Variants in CSF2RA observed in about 807,000 individuals in gnomAD.
CSF2RA encodes the protein granulocyte-macrophage colony-stimulating factor receptor subunit alpha.
In CSF2RA, 42 loss-of-function variants were observed where a neutral mutation model predicts 51.6. The observed-to-expected ratio is 0.81, with a 90% confidence interval of 0.64 to 1.05. The LOEUF (loss-of-function observed/expected upper bound fraction) is 1.05, where lower values mean the gene tolerates loss of function less well. Among genes scored for constraint, CSF2RA ranks in the 50% least tolerant of loss-of-function variants. CSF2RA has a pLI of 0.00. For synonymous variants in CSF2RA, 222 were observed against 193.0 expected (o/e 1.15, Z -1.24); for missense variants, 530 against 501.1 (o/e 1.06, Z -0.55).
At chrX:1,319,736 A>G in the CSF2RA span, among the ~76,000 whole-genome samples, 1 of 131,532 alleles carries the variant, frequency 7.6e-6, no homozygotes, top group Non-Finnish European at 1.6e-5. Flanking sequence ...TTTTTTTTAG[A>G]CAGAGTCTCA....
At chrX:1,307,831 T>C (rs866439499) in intron 12 of CSF2RA, among the ~76,000 whole-genome samples, 5 of 4,326 alleles carry the variant, frequency 1.2e-3, no homozygotes, top group African/African-American at 1.7e-3. Flanking sequence ...CCTACCCTTC[T>C]CCCTTTAGAC....
chrX:1,276,483 C>T (rs2089212603), intron 2 of CSF2RA, among the ~76,000 whole-genome samples: 1 of 152,018 alleles, frequency 6.6e-6, no homozygotes, highest in Admixed American at 6.6e-5. Context: ...CAGTGATTCT[C>T]CTGCCTCAGC....
intron 3 of CSF2RA, among the ~76,000 whole-genome samples, chrX:1,284,561 G>C (rs2090418661): frequency 6.8e-6 from 1 of 146,458 alleles, no homozygotes; most frequent in Non-Finnish European, 1.5e-5. Context: ...CCAAGTAGCT[G>C]GGACTGCAGA....
At chrX:1,300,078 G>C (rs1440086192) in intron 9 of CSF2RA, among the ~76,000 whole-genome samples, 3 of 151,982 alleles carry the variant, frequency 2.0e-5, no homozygotes, top group African/African-American at 4.8e-5. Flanking sequence ...AATTAGCCGG[G>C]CGTGGTGGTG....
Position 1,294,455 on chromosome X carries a change from C to T in CSF2RA, c.774C>T (p.His258=). 6.2e-7 allele frequency: 1 copy of T among 1,613,850 alleles called. No individual in the cohort carries two copies. The highest frequency in any genetic ancestry group is 8.5e-7 in the Non-Finnish European group (1 of 1,179,868). The change falls in exon 8 of 13, where the codon CAC becomes CAT. Residue 258 remains histidine (H), a synonymous_variant. Coordinates refer to ENST00000381529, the MANE Select transcript of CSF2RA (RefSeq NM_172245.4). ...ACTTTCAGTACCAGCTGGACGTCCA[C>T]AGAAAGGTCGGTGAGAGCTCCCCGG... The part of the protein sequence containing the change: ...YLDFQYQLDV[H]RKNTQPGTEN...
intron 10 of CSF2RA, chrX:1,303,346 C>A: frequency 2.4e-6 from 1 of 423,234 alleles, no homozygotes; most frequent in Non-Finnish European, 4.2e-6. Context: ...AGCGATTCTC[C>A]TGCCTCAGAC....
At chrX:1,286,351 C>T (rs1323340630) in intron 4 of CSF2RA, among the ~76,000 whole-genome samples, 2 of 151,846 alleles carry the variant, frequency 1.3e-5, no homozygotes, top group Non-Finnish European at 2.9e-5. Flanking sequence ...GGTGGATCAC[C>T]TGAGGTCAGG....
Position 1,294,408 on chromosome X carries a change from T to C in CSF2RA, c.727T>C (p.Tyr243His), listed in dbSNP as rs1301254409. 6.2e-7 allele frequency: 1 copy of C among 1,613,830 alleles called. No homozygotes were observed. The highest frequency in any genetic ancestry group is 1.3e-5 in the African/African-American group (1 of 74,928). Residue 243 changes from tyrosine to histidine, a missense_variant, in exon 8 of 13, where the codon TAT (tyrosine) becomes CAT (histidine). Tyr to His is a moderately conservative substitution (Grantham distance 83, BLOSUM62 2). Coordinates refer to ENST00000381529, the MANE Select transcript of CSF2RA (RefSeq NM_172245.4). ...CLVRWKQPRT[Y>H]QKLSYLDFQY... ...CGTACGGTGGAAACAGCCCAGGACCTATCAGAAGCTGTCGTACCTGGACTT... is the reference window on the plus strand; with the variant it reads ...CGTACGGTGGAAACAGCCCAGGACCCATCAGAAGCTGTCGTACCTGGACTT...
intron 6 of CSF2RA, chrX:1,289,115 C>T (rs1212986736): frequency 5.2e-6 from 3 of 582,158 alleles, no homozygotes; most frequent in Admixed American, 2.9e-5. Flanking sequence ...GCGCCCGCCA[C>T]CACACCAGGC....
chrX:1,279,848 G>A (rs1426547075), intron 2 of CSF2RA, among the ~76,000 whole-genome samples: 1 of 151,840 alleles, frequency 6.6e-6, no homozygotes, highest in Non-Finnish European at 1.5e-5. Flanking sequence ...GGAGGGCAGT[G>A]GCGCGATCTC....
rs1189663182 is a variant in CSF2RA at position 1,288,776 on chromosome X, G to A, written c.361G>A (p.Ala121Thr). 6.2e-7 allele frequency: 1 copy of A among 1,613,910 alleles called. No homozygotes were observed. Among genetic ancestry groups the A allele is most frequent in the South Asian group, 1.1e-5 (1 of 91,074 alleles). The change falls in exon 6 of 13, where the codon GCT becomes ACT. Residue 121 changes from alanine (A) to threonine (T), a missense_variant. Coordinates refer to ENST00000381529, the MANE Select transcript of CSF2RA (RefSeq NM_172245.4). ...CTTCCCAGGAAGGGAGGGTACCGCTGCTCAGAATTTCTCCTGTTTCATCTA... is the reference window on the plus strand; with the variant it reads ...CTTCCCAGGAAGGGAGGGTACCGCTACTCAGAATTTCTCCTGTTTCATCTA... ...YPNSGREGTA[A>T]QNFSCFIYNA...
rs28716068 is a variant in CSF2RA at position 1,285,939 on chromosome X, T to G, written c.219+19T>G. ...ACCCAGGGTGAGACGAATTTCCCAT[T>G]CTCAACCCCTGTCCTTTACACACCC... is the stretch of plus-strand genomic sequence containing the variant. On this transcript the variant is annotated intron_variant, in intron 4 of 12. Coordinates refer to ENST00000381529, the MANE Select transcript of CSF2RA (RefSeq NM_172245.4). The G allele has an allele frequency of 0.24, 379,583 of 1,612,630 alleles. 46,866 individuals are homozygous for G. Among genetic ancestry groups the G allele is most frequent in the Non-Finnish European group, 0.26 (301,336 of 1,179,022 alleles).
intron 9 of CSF2RA, among the ~76,000 whole-genome samples, chrX:1,297,823 C>T (rs2092071043): frequency 7.7e-6 from 1 of 130,346 alleles, no homozygotes; most frequent in African/African-American, 2.9e-5. Context: ...CTGGTGGAAC[C>T]CTACAGTCCC....
chrX:1,288,266 G>C (rs374654373), intron 4 of CSF2RA, among the ~76,000 whole-genome samples: 1 of 148,850 alleles, frequency 6.7e-6, no homozygotes, highest in Non-Finnish European at 1.5e-5. Context: ...TGGATCACCT[G>C]AGGTCAGGAG....
At chrX:1,314,525 ATC>A (rs1569514915), downstream of CSF2RA, among the ~76,000 whole-genome samples, 20 of 107,690 alleles carry the variant, frequency 1.9e-4, no homozygotes, top group African/African-American at 4.9e-4. Context: ...CACCTGCCCA[ATC>A]CCACTGCACC....
At chrX:1,295,242 G>A (rs1469346800) in intron 8 of CSF2RA, among the ~76,000 whole-genome samples, 185 bp from the exon 9 acceptor site, 1 of 151,846 alleles carries the variant, frequency 6.6e-6, no homozygotes, top group Non-Finnish European at 1.5e-5. Context: ...GAAGACTTCT[G>A]TGTTTGCAGC....
chrX:1,319,184 CAG>C, the CSF2RA span, among the ~76,000 whole-genome samples: 1 of 149,172 alleles, frequency 6.7e-6, no homozygotes, highest in Non-Finnish European at 1.5e-5. Context: ...TTAGTAAAGA[CAG>C]GGTTTCACCA....
intron 7 of CSF2RA, among the ~76,000 whole-genome samples, chrX:1,291,945 G>C (rs1270950181): frequency 1.6e-5 from 2 of 122,842 alleles, no homozygotes; most frequent in African/African-American, 2.7e-5. Flanking sequence ...ACTTTACCCA[G>C]TGTAGACAGA....
intron 7 of CSF2RA, among the ~76,000 whole-genome samples, chrX:1,291,202 G>A (rs1381053169): frequency 6.6e-6 from 1 of 151,036 alleles, no homozygotes; most frequent in South Asian, 2.1e-4. Flanking sequence ...GATTACAGGC[G>A]TCAGCCACTG....
Sources: gnomAD v4.1 joint callset for allele counts (sites outside exome capture counted in the v4.1 genomes callset) on GRCh38, gnomAD v4.1.1 for gene constraint, MANE v1.5 for transcripts, NCBI Gene and HGNC (gene_info 2026-07-23, HGNC 2026-07-21) for gene names.